Variants in MOB3A observed in about 807,000 individuals in gnomAD.
MOB3A encodes MOB kinase activator 3A, also known as MOB LAK.
MOB3A carries 17 observed loss-of-function variants against 17.8 expected under a neutral mutation model. The ratio of observed to expected loss-of-function variants is 0.95; its 90% confidence interval spans 0.65 to 1.43. MOB3A has a LOEUF of 1.43. Ranked by LOEUF, MOB3A falls within the 40% of genes most tolerant of loss-of-function variation. The pLI is 0.00. For synonymous variants in MOB3A, 124 were observed against 133.2 expected, an observed-to-expected ratio of 0.93 and a Z score of 0.48; for missense variants, 333 against 310.8, an observed-to-expected ratio of 1.07 and a Z score of -0.54.
chr19:2,080,110 C>G (rs181915680), intron 2 of MOB3A, among the ~76,000 whole-genome samples: 10 of 152,348 alleles, frequency 6.6e-5, no homozygotes, highest in Non-Finnish European at 1.3e-4. Context: ...GGCACCGTGG[C>G]AGGCCCAGAG....
chr19:2,094,195 C>T (rs1319155769), intron 1 of MOB3A, among the ~76,000 whole-genome samples: 1 of 151,878 alleles, frequency 6.6e-6, no homozygotes, highest in Non-Finnish European at 1.5e-5. Context: ...TACGGGCACC[C>T]GCCGCCACGC....
intron 4 of MOB3A, among the ~76,000 whole-genome samples, chr19:2,074,733 CCT>C (rs772714607): frequency 2.8e-3 from 423 of 150,160 alleles, no homozygotes; most frequent in Non-Finnish European, 4.1e-3. Context: ...TTTTTTTTCC[CCT>C]GAGACAGAGT....
At position 2,073,390 on chromosome 19, in the gene MOB3A, G is replaced by A; in HGVS notation, c.*5C>T. The A allele has an allele frequency of 1.2e-6, 2 of 1,613,512 alleles. No homozygotes were observed. The highest frequency in any genetic ancestry group is 1.7e-6 in the Non-Finnish European group (2 of 1,179,964). ...GGTTCGGGCACCGGGAGACCCGCGG[G>A]GCTCTCAGTGGCACATCCGGGCGGT... is the stretch of plus-strand genomic sequence containing the variant. On this transcript the variant is annotated 3_prime_UTR_variant, in exon 5 of 5. Coordinates refer to ENST00000357066, the MANE Select transcript of MOB3A (RefSeq NM_130807.3).
intron 1 of MOB3A, among the ~76,000 whole-genome samples, chr19:2,094,199 G>A (rs574413960): frequency 1.7e-3 from 260 of 151,776 alleles, no homozygotes; most frequent in Non-Finnish European, 2.3e-3. Flanking sequence ...GGCACCCGCC[G>A]CCACGCCCGG....
rs774576002 is a variant in MOB3A at position 2,073,303 on chromosome 19, C to G, written c.*92G>C. 16 of 1,529,924 alleles carry G rather than the reference C, an allele frequency of 1.0e-5. No individual in the cohort carries two copies. The highest frequency in any genetic ancestry group is 1.3e-5 in the Non-Finnish European group (15 of 1,111,754). The allele number at this position is 1,529,924 out of a possible 1,614,324, so 94.8% of individuals were successfully genotyped here. A position where few individuals can be genotyped will look rare whatever the true frequency, so the allele number is the denominator to read the frequency against. On this transcript the variant is annotated 3_prime_UTR_variant, in exon 5 of 5. Transcript: ENST00000357066. ...CCTGGTCTCCCTGAGATGCTCAGGC[C>G]GGAGAGAAGCGGGATGATGGTTCCA...
Position 2,094,806 on chromosome 19 carries a change from G to A in MOB3A, c.-274+1420C>T, listed in dbSNP as rs373668642. On this transcript the variant is annotated intron_variant, in intron 1 of 4. Transcript: ENST00000357066. ...ATCCAACCATCTGCTTTGAATACGGGCAGTTTATTGCATGTCAATTAAACC... is the reference window on the plus strand; with the variant it reads ...ATCCAACCATCTGCTTTGAATACGGACAGTTTATTGCATGTCAATTAAACC... Among the ~76,000 whole-genome samples, 309 of 152,368 alleles carry A rather than the reference G, an allele frequency of 2.0e-3. 3 individuals carry two copies. Among genetic ancestry groups the A allele is most frequent in the Middle Eastern group, 6.8e-3 (2 of 294 alleles).
intron 2 of MOB3A, among the ~76,000 whole-genome samples, chr19:2,083,674 T>A (rs186493310): frequency 6.8e-4 from 103 of 152,308 alleles, no homozygotes; most frequent in African/African-American, 1.9e-3. Context: ...CTGGGCCGAC[T>A]CACAGCCAAC....
At chr19:2,084,076 C>T (rs932401852) in intron 2 of MOB3A, 6 of 460,226 alleles carry the variant, frequency 1.3e-5, no homozygotes, top group African/African-American at 6.0e-5. Flanking sequence ...CTGGCTGAGG[C>T]TTATCTTTGT....
chr19:2,089,805 C>G (rs957626364), intron 1 of MOB3A, among the ~76,000 whole-genome samples: 3 of 151,556 alleles, frequency 2.0e-5, no homozygotes, highest in Non-Finnish European at 1.5e-5. Flanking sequence ...CAGTCCCCCA[C>G]TTGGCATTCA....
At position 2,078,321 on chromosome 19, in the gene MOB3A, G is replaced by A. The variant is rs768976715; in HGVS notation, c.240C>T (p.Ser80=). 3.5e-5 allele frequency: 56 copies of A among 1,614,044 alleles called. No homozygotes were observed. Among genetic ancestry groups the A allele is most frequent in the South Asian group, 1.9e-4 (17 of 91,084 alleles). Residue 80 remains serine, a synonymous_variant, in exon 3 of 5, where the codon AGC becomes AGT. Coordinates refer to ENST00000357066, the MANE Select transcript of MOB3A (RefSeq NM_130807.3). ...NRVNLIYGTI[S]DGCTEQSCPV... Reference sequence around the variant, plus strand: ...GGCAGGACTGCTCCGTGCAGCCGTCGCTGATGGTGCCGTAGATGAGGTTGA... The same window carrying A: ...GGCAGGACTGCTCCGTGCAGCCGTCACTGATGGTGCCGTAGATGAGGTTGA...
intron 1 of MOB3A, among the ~76,000 whole-genome samples, chr19:2,087,522 G>C (rs192256788): frequency 6.6e-6 from 1 of 152,308 alleles, no homozygotes; most frequent in East Asian, 1.9e-4. Context: ...AGGCATGGTG[G>C]ATGTGCCTGT....
At chr19:2,094,350 C>T (rs1377633319) in intron 1 of MOB3A, among the ~76,000 whole-genome samples, 1 of 152,142 alleles carries the variant, frequency 6.6e-6, no homozygotes, top group East Asian at 1.9e-4. Context: ...CCGGGCCACC[C>T]TCTTGCACTT....
intron 2 of MOB3A, among the ~76,000 whole-genome samples, chr19:2,081,466 T>A (rs943062436): frequency 1.3e-5 from 2 of 151,920 alleles, no homozygotes; most frequent in African/African-American, 4.8e-5. Context: ...CGGGCGCCTG[T>A]AATCCCAGCT....
In MOB3A at chr19:2,071,511, T is replaced by C. The variant is rs1470780000; in HGVS notation, c.*1884A>G. The C allele has an allele frequency of 3.9e-5, 6 of 152,336 alleles. No homozygotes were observed. In the East Asian group the frequency reaches 9.6e-4, roughly 24 times the overall value. 9.4% of individuals were successfully genotyped at this position (152,336 alleles called of 1,614,324 possible). A position where few individuals can be genotyped will look rare whatever the true frequency, so the allele number is the denominator to read the frequency against. On this transcript the variant is annotated 3_prime_UTR_variant, in exon 5 of 5. Transcript: ENST00000357066. ...GCCCAGAGGTGACCAGACTTCTGTGTGGTCTGGGACAGTGCAGGGCTCAGG... is the reference window on the plus strand; with the variant it reads ...GCCCAGAGGTGACCAGACTTCTGTGCGGTCTGGGACAGTGCAGGGCTCAGG...
At chr19:2,084,844 C>T (rs2017533256) in intron 2 of MOB3A, among the ~76,000 whole-genome samples, 1 of 152,062 alleles carries the variant, frequency 6.6e-6, no homozygotes, top group Admixed American at 6.6e-5. Flanking sequence ...CCGCTTTGCC[C>T]TCCCAAAGTG....
At chr19:2,086,212 G>A (rs1236991875) in intron 1 of MOB3A, among the ~76,000 whole-genome samples, 3 of 151,630 alleles carry the variant, frequency 2.0e-5, no homozygotes, top group African/African-American at 2.4e-5. Context: ...GACTAATTTT[G>A]TATTTTTAGT....
intron 2 of MOB3A, among the ~76,000 whole-genome samples, chr19:2,081,368 A>AC (rs1568253767): frequency 6.6e-6 from 1 of 152,006 alleles, no homozygotes; most frequent in African/African-American, 2.4e-5. Flanking sequence ...CGGGTGGATC[A>AC]CCTGAGGTCG....
chr19:2,077,636 T>C (rs1465363641), intron 3 of MOB3A, among the ~76,000 whole-genome samples: 1 of 151,724 alleles, frequency 6.6e-6, no homozygotes, highest in Non-Finnish European at 1.5e-5. Flanking sequence ...CTGGCAGGGG[T>C]GCTTGTCTCC....
At chr19:2,094,949 TCA>T (rs751978506) in intron 1 of MOB3A, among the ~76,000 whole-genome samples, 1 of 152,202 alleles carries the variant, frequency 6.6e-6, no homozygotes, top group Non-Finnish European at 1.5e-5. Flanking sequence ...GGCGGGCGGA[TCA>T]CCTGAGGTCA....
Sources: allele counts gnomAD v4.1 joint callset (sites outside exome capture counted in the v4.1 genomes callset), GRCh38; gene constraint gnomAD v4.1.1; transcripts MANE v1.5; gene names NCBI Gene and HGNC (gene_info 2026-07-23, HGNC 2026-07-21).